ZNF790: variants seen among roughly 807,000 people sequenced by gnomAD.
ZNF790 encodes zinc finger protein 790.
Under a neutral mutation model 12.1 loss-of-function variants are expected in ZNF790, and 8 were observed. The observed-to-expected ratio is 0.66, with a 90% CI of 0.39 to 1.19. The LOEUF (loss-of-function observed/expected upper bound fraction) is 1.19. Among genes scored for constraint, ZNF790 ranks in the 50% most tolerant of loss-of-function variants. The pLI is 0.01. For synonymous variants in ZNF790, 252 were observed against 244.3 expected, an observed-to-expected ratio of 1.03 and a Z score of -0.29; for missense variants, 707 against 752.2, an observed-to-expected ratio of 0.94 and a Z score of 0.70.
rs745887858 is a variant in ZNF790, at chr19:36,818,618, A to C, written c.1726T>G (p.Tyr576Asp). ...TTATGAATTTTTTGTTCAGTAAAAT[A>C]TGAATGGTGACTAAAGATGTGGCTA... ...KSSHIFSHHS[Y>D]FTEQKIHNSA... The change falls in exon 5 of 5, where the codon TAT (tyrosine) becomes GAT (aspartate). Residue 576 changes from tyrosine to aspartate, a missense_variant. By Grantham distance (160) the Tyr-to-Asp change is radical (BLOSUM62 -3). Transcript: ENST00000356725. 1 of 1,611,524 alleles carries C rather than the reference A, an allele frequency of 6.2e-7. No individual in the cohort carries two copies. Among genetic ancestry groups the C allele is most frequent in the South Asian group, 1.1e-5 (1 of 90,898 alleles).
chr19:36,821,105 A>G (rs962953483), intron 4 of ZNF790, among the ~76,000 whole-genome samples: 2 of 144,352 alleles, frequency 1.4e-5, no homozygotes, highest in African/African-American at 5.2e-5. Flanking sequence ...AAATTTTTTC[A>G]AGGGAGAAGG....
chr19:36,820,396 A>G lies in ZNF790; in HGVS notation c.230-282T>C, dbSNP rs73037186. 5.8e-3 allele frequency among the ~76,000 whole-genome samples: 885 copies of G among 152,334 alleles called. 8 individuals carry two copies. The highest frequency in any genetic ancestry group is 0.01 in the Non-Finnish European group (699 of 68,028). ...CAGGTATCACCTCAATAACAGAATA[A>G]TAAGTCATAAAATACCTACAAGTTT... On this transcript the variant is annotated intron_variant, in intron 4 of 4. Coordinates refer to ENST00000356725, the MANE Select transcript of ZNF790 (RefSeq NM_206894.4).
At chr19:36,823,216 T>C in intron 4 of ZNF790, 69 bp downstream of exon 4, 3 of 1,381,050 alleles carry the variant, frequency 2.2e-6, no homozygotes, top group Non-Finnish European at 3.1e-6. Context: ...GAGGTGTTGC[T>C]GCCTCACTGT....
At chr19:36,847,317 C>T (rs898512529) in intron 1 of ZNF790, among the ~76,000 whole-genome samples, 1 of 151,984 alleles carries the variant, frequency 6.6e-6, no homozygotes, top group Non-Finnish European at 1.5e-5. Context: ...CGCCACTGCA[C>T]TCCAGCCTGG....
chr19:36,819,038 A>G lies in ZNF790; in HGVS notation c.1306T>C (p.Tyr436His). The change falls in exon 5 of 5, where the codon TAT becomes CAT. Residue 436 changes from tyrosine (Y) to histidine (H), a missense_variant. Coordinates refer to ENST00000356725, the MANE Select transcript of ZNF790 (RefSeq NM_206894.4). ...QCGKTFTWAS[Y>H]LAQHEKIHNE... is the part of the protein sequence containing the mutation. ...TGAATTTTCTCATGTTGAGCAAGAT[A>G]CGAAGCCCAAGTAAAAGTCTTCCCG... 6.2e-7 allele frequency: 1 copy of G among 1,614,100 alleles called. No homozygotes were observed. The highest frequency in any genetic ancestry group is 1.1e-5 in the South Asian group (1 of 91,066).
chr19:36,819,448 CG>C lies in ZNF790; in HGVS notation c.895del (p.Arg299AspfsTer55). The C allele has an allele frequency of 6.2e-7, 1 of 1,609,048 alleles. No individual in the cohort carries two copies. Among genetic ancestry groups the C allele is most frequent in the African/African-American group, 1.3e-5 (1 of 74,744 alleles). On this transcript the variant is annotated frameshift_variant, in exon 5 of 5. Coordinates refer to ENST00000356725, the MANE Select transcript of ZNF790 (RefSeq NM_206894.4). LOFTEE classifies it low-confidence loss of function (END_TRUNC). ...KAFSCGSDLT[R>X]HQRIHTGEKP... ...TTCACCAGTATGAATTCTCTGATGT[CG>C]AGTAAGATCTGAGCCACAACTAAAG...
intron 4 of ZNF790, among the ~76,000 whole-genome samples, chr19:36,821,581 A>ATTTATTTATTTATTTATT (rs2071672943): frequency 6.6e-6 from 1 of 151,754 alleles, no homozygotes; most frequent in Non-Finnish European, 1.5e-5. Flanking sequence ...CTTTTTATTT[A>ATTTATTTATTTATTTATT]TTTATTTATT....
In ZNF790 at chr19:36,820,066, A is replaced by C. The variant is rs751482675; in HGVS notation, c.278T>G (p.Ile93Ser). Reference sequence around the variant, plus strand: ...CAATTGGGCTATTTCTCTCTCAAAAATGCCATTTTTTGGTAATAACTTCTT... The same window carrying C: ...CAATTGGGCTATTTCTCTCTCAAAACTGCCATTTTTTGGTAATAACTTCTT... ...QTKKLLPKNGIFEREIAQLEI... is the reference protein window; with the variant it reads ...QTKKLLPKNGSFEREIAQLEI... The change falls in exon 5 of 5, where the codon ATT becomes AGT. Residue 93 changes from isoleucine to serine, a missense_variant. Transcript: ENST00000356725. The C allele has an allele frequency of 1.5e-5, 24 of 1,610,258 alleles. No homozygotes were observed. Among genetic ancestry groups the C allele is most frequent in the Non-Finnish European group, 1.9e-5 (22 of 1,179,908 alleles).
intron 1 of ZNF790, among the ~76,000 whole-genome samples, chr19:36,834,837 C>T (rs780475305): frequency 6.6e-6 from 1 of 152,124 alleles, no homozygotes; most frequent in Non-Finnish European, 1.5e-5. Context: ...GGAAGAAATA[C>T]AGCATATTAC....
chr19:36,823,625 A>G (rs1434148307), intron 3 of ZNF790, 42 bp downstream of exon 3: 1 of 1,591,556 alleles, frequency 6.3e-7, no homozygotes, highest in East Asian at 2.2e-5. Flanking sequence ...AAAAATCACA[A>G]TACAGAAAGC....
At chr19:36,824,061 A>G (rs1240444288) in intron 2 of ZNF790, among the ~76,000 whole-genome samples, 1 of 141,224 alleles carries the variant, frequency 7.1e-6, no homozygotes, top group Non-Finnish European at 1.5e-5. Flanking sequence ...CGGTGGTGCA[A>G]TCTCTGATCA....
At chr19:36,845,203 A>G (rs917579679) in intron 1 of ZNF790, among the ~76,000 whole-genome samples, 9 of 151,976 alleles carry the variant, frequency 5.9e-5, no homozygotes, top group African/African-American at 1.9e-4. Context: ...GTTCATTTGC[A>G]TCTAGGAGTT....
intron 4 of ZNF790, among the ~76,000 whole-genome samples, chr19:36,821,735 C>T (rs2071677695): frequency 1.3e-5 from 2 of 152,208 alleles, no homozygotes; most frequent in East Asian, 1.9e-4. Context: ...AGGCGCCCAC[C>T]CCCATGCCCA....
rs369166550 is a variant in ZNF790, at chr19:36,819,761, C to T, written c.583G>A (p.Glu195Lys). 11 of 1,613,094 alleles carry T rather than the reference C, an allele frequency of 6.8e-6. No individual in the cohort carries two copies. Among genetic ancestry groups the T allele is most frequent in the East Asian group, 2.2e-5 (1 of 44,884 alleles). Residue 195 changes from glutamate to lysine, a missense_variant, in exon 5 of 5, where the codon GAG (glutamate) becomes AAG (lysine). Glu to Lys is a moderately conservative substitution (Grantham distance 56). Coordinates refer to ENST00000356725, the MANE Select transcript of ZNF790 (RefSeq NM_206894.4). ...HTQHQLIHTS[E>K]KFCGDKECGN... ...CATTCTTTATCTCCACAGAATTTCT[C>T]ACTTGTGTGAATTAACTGATGTTGA...
At chr19:36,821,457 G>C (rs2071669563) in intron 4 of ZNF790, among the ~76,000 whole-genome samples, 1 of 152,068 alleles carries the variant, frequency 6.6e-6, no homozygotes, top group Non-Finnish European at 1.5e-5. Flanking sequence ...GGAATAATAC[G>C]CTATTTCTAT....
At position 36,819,605 on chromosome 19, in the gene ZNF790, T is replaced by G; in HGVS notation, c.739A>C (p.Ile247Leu). 6.2e-7 allele frequency: 1 copy of G among 1,608,606 alleles called. No individual in the cohort carries two copies. Among genetic ancestry groups the G allele is most frequent in the Non-Finnish European group, 8.5e-7 (1 of 1,177,474 alleles). ...LRSSLTGHKR[I>L]HTGEKPFKCK... is the part of the protein sequence containing the mutation. ...TTAAAAGGTTTCTCACCGGTATGAATTCTCTTATGACCAGTAAGACTCGAA... is the reference window on the plus strand; with the variant it reads ...TTAAAAGGTTTCTCACCGGTATGAAGTCTCTTATGACCAGTAAGACTCGAA... The change falls in exon 5 of 5, where the codon ATT becomes CTT. Residue 247 changes from isoleucine (I) to leucine (L), a missense_variant. Coordinates refer to ENST00000356725, the MANE Select transcript of ZNF790 (RefSeq NM_206894.4).
chr19:36,819,919 A>G lies in ZNF790; in HGVS notation c.425T>C (p.Ile142Thr), dbSNP rs1408882768. The G allele has an allele frequency of 6.8e-6, 11 of 1,614,162 alleles. No homozygotes were observed. Among genetic ancestry groups the G allele is most frequent in the Non-Finnish European group, 8.5e-6 (10 of 1,180,012 alleles). The part of the protein sequence containing the change: ...DNQEECFKQV[I>T]RTCEKRPTFN... ...AGTGGGCCTTTTTTCACAGGTGCGTATCACCTGCTTGAAGCATTCCTCTTG... is the reference window on the plus strand; with the variant it reads ...AGTGGGCCTTTTTTCACAGGTGCGTGTCACCTGCTTGAAGCATTCCTCTTG... Residue 142 changes from isoleucine to threonine, a missense_variant, in exon 5 of 5, where the codon ATA becomes ACA. Coordinates refer to ENST00000356725, the MANE Select transcript of ZNF790 (RefSeq NM_206894.4).
chr19:36,824,157 C>T lies in ZNF790; in HGVS notation c.10-367G>A, dbSNP rs888304346. ...GACTACAGGCGCCCGCTACCACGCC[C>T]GGCAAATTTTTTGTATTTTTTAGTA... On this transcript the variant is annotated intron_variant, in intron 2 of 4. Transcript: ENST00000356725. 5.3e-5 allele frequency among the ~76,000 whole-genome samples: 8 copies of T among 151,770 alleles called. No individual in the cohort carries two copies. The East Asian group carries it at 1.4e-3, about 26-fold the overall frequency.
chr19:36,820,679 G>A (rs1020336313), intron 4 of ZNF790, among the ~76,000 whole-genome samples: 3 of 152,118 alleles, frequency 2.0e-5, no homozygotes, highest in African/African-American at 7.2e-5. Flanking sequence ...TGAGGCAGAT[G>A]GATTGCTTGA....
Sources: gnomAD v4.1 joint callset for allele counts (sites outside exome capture counted in the v4.1 genomes callset) on GRCh38, gnomAD v4.1.1 for gene constraint, MANE v1.5 for transcripts, NCBI Gene and HGNC (gene_info 2026-07-23, HGNC 2026-07-21) for gene names.